COX7A2: variants seen among roughly 807,000 people sequenced by gnomAD.
The protein encoded by COX7A2 is cytochrome c oxidase subunit 7A2.
In COX7A2, 11 loss-of-function variants were observed where a neutral mutation model predicts 11.6. The ratio of observed to expected loss-of-function variants is 0.95; its 90% CI spans 0.60 to 1.57. The LOEUF (loss-of-function observed/expected upper bound fraction) is 1.57, where lower values mean the gene tolerates loss of function less well. Among genes scored for constraint, COX7A2 ranks in the 40% most tolerant of loss-of-function variants. COX7A2 has a pLI of 0.00. For synonymous variants in COX7A2, 30 were observed against 38.2 expected, an observed-to-expected ratio of 0.78 and a Z score of 0.79; for missense variants, 106 against 100.9, an observed-to-expected ratio of 1.05 and a Z score of -0.22.
At chr6:75,241,323 T>G in intron 1 of COX7A2, 58 bp from the exon 2 acceptor site, 1 of 1,374,024 alleles carries the variant, frequency 7.3e-7, no homozygotes, top group Non-Finnish European at 9.8e-7. Flanking sequence ...CAAAACCAAC[T>G]ATTTTCAGTC....
chr6:75,242,882 A>T (rs917307317), intron 1 of COX7A2, among the ~76,000 whole-genome samples: 1 of 152,052 alleles, frequency 6.6e-6, no homozygotes, highest in Non-Finnish European at 1.5e-5. Context: ...AACAAAAAAA[A>T]CCCTATTACT....
chr6:75,241,341 T>G (rs760683912), intron 1 of COX7A2, 76 bp from the exon 2 acceptor site: 1 of 1,290,796 alleles, frequency 7.7e-7, no homozygotes, highest in South Asian at 2.1e-5. Flanking sequence ...GTCGTTCATA[T>G]TATAGAAAAG....
chr6:75,238,318 G>GA (rs879502350), intron 3 of COX7A2, among the ~76,000 whole-genome samples: 6 of 150,986 alleles, frequency 4.0e-5, no homozygotes, highest in South Asian at 2.1e-4. Flanking sequence ...AAATGCCAAA[G>GA]AAAAAAAGAG....
chr6:75,243,465 C>T (rs989072796), intron 1 of COX7A2, among the ~76,000 whole-genome samples: 1 of 152,094 alleles, frequency 6.6e-6, no homozygotes, highest in Admixed American at 6.5e-5. Context: ...ACTAAGAACC[C>T]AAGACGGGTC....
chr6:75,249,960 T>TGA (rs905672802), intron 1 of COX7A2: 9 of 152,216 alleles, frequency 5.9e-5, no homozygotes, highest in African/African-American at 2.2e-4. Context: ...AGGGGAGGGA[T>TGA]GAGAGACCCA....
intron 1 of COX7A2, 138 bp downstream of exon 1, chr6:75,243,579 G>A (rs971777176): frequency 4.0e-6 from 3 of 756,330 alleles, no homozygotes; most frequent in African/African-American, 3.5e-5. Flanking sequence ...GTAAGGTCAG[G>A]GAAAAAGGAC....
chr6:75,240,208 G>A, intron 3 of COX7A2, 93 bp downstream of exon 3: 1 of 885,874 alleles, frequency 1.1e-6, no homozygotes, highest in Admixed American at 2.2e-5. Flanking sequence ...CAAACTGCCT[G>A]CATTAAAATA....
chr6:75,237,922 G>A lies in COX7A2; in HGVS notation c.*8C>T, dbSNP rs752029766. On this transcript the variant is annotated 3_prime_UTR_variant, in exon 4 of 4. Transcript: ENST00000684430. ...AACTGAACCAAGCGATTGCTGGGAT[G>A]ACTGAAGTCACTCCTGCTTCTTGGG... The A allele has an allele frequency of 6.2e-7, 1 of 1,605,512 alleles. No individual in the cohort carries two copies. The highest frequency in any genetic ancestry group is 8.5e-7 in the Non-Finnish European group (1 of 1,173,804).
At chr6:75,243,975 G>A, upstream of COX7A2, 1 of 674,286 alleles carries the variant, frequency 1.5e-6, no homozygotes, top group Non-Finnish European at 2.5e-6. Context: ...TGACCTTTTC[G>A]ATGTTCAGTA....
At chr6:75,239,657 C>T (rs535010119) in intron 3 of COX7A2, among the ~76,000 whole-genome samples, 1 of 152,300 alleles carries the variant, frequency 6.6e-6, no homozygotes, top group South Asian at 2.1e-4. Context: ...TATTTTGCAT[C>T]ACAGTCAAAA....
chr6:75,246,666 G>C (rs141156182), upstream of COX7A2, among the ~76,000 whole-genome samples: 3 of 152,184 alleles, frequency 2.0e-5, no homozygotes, highest in Non-Finnish European at 4.4e-5. Context: ...TGAATGAACT[G>C]TATCCTGCAC....
At chr6:75,245,687 CCTT>C (rs1771666857), upstream of COX7A2, among the ~76,000 whole-genome samples, 1 of 152,128 alleles carries the variant, frequency 6.6e-6, no homozygotes, top group Non-Finnish European at 1.5e-5. Flanking sequence ...ACTTGTCTCT[CCTT>C]CTCCTCCTCC....
At chr6:75,246,283 T>C (rs777515775), upstream of COX7A2, among the ~76,000 whole-genome samples, 24 of 152,296 alleles carry the variant, frequency 1.6e-4, no homozygotes, top group Non-Finnish European at 2.9e-4. Flanking sequence ...TCCCCAACTT[T>C]CTCCTCTGCA....
chr6:75,238,788 T>C (rs1362219487), intron 3 of COX7A2, among the ~76,000 whole-genome samples: 2 of 151,768 alleles, frequency 1.3e-5, no homozygotes, highest in African/African-American at 2.4e-5. Flanking sequence ...AAATGTCACA[T>C]TGGCCAAAAG....
chr6:75,241,046 G>C lies in COX7A2; in HGVS notation c.108+130C>G, dbSNP rs73450112. ...AACCACTATTAGCACTATGGTACAT[G>C]TCCTTGACTTTTTTTGTAATGTTTA... is the stretch of plus-strand genomic sequence containing the variant. On this transcript the variant is annotated intron_variant, in intron 2 of 3. Transcript: ENST00000684430. The C allele has an allele frequency of 5.9e-4, 723 of 1,230,176 alleles. 3 individuals carry two copies. In the African/African-American group the frequency reaches 9.4e-3, roughly 16 times the overall value. The allele number at this position is 1,230,176 out of a possible 1,614,324, so 76.2% of individuals were successfully genotyped here. A position where few individuals can be genotyped will look rare whatever the true frequency, so the allele number is the denominator to read the frequency against.
chr6:75,250,088 T>A (rs1045814369), exon 1 of COX7A2: 1 of 152,202 alleles, frequency 6.6e-6, no homozygotes, highest in Non-Finnish European at 1.5e-5. Flanking sequence ...TTCACAGTAA[T>A]GAGGAATGTA....
chr6:75,240,164 T>C, intron 3 of COX7A2, 137 bp downstream of exon 3: 2 of 676,160 alleles, frequency 3.0e-6, no homozygotes, highest in Non-Finnish European at 2.6e-6. Flanking sequence ...TCTTGAATCA[T>C]TATGAGATAT....
chr6:75,240,194 G>C, intron 3 of COX7A2, 107 bp downstream of exon 3: 1 of 780,788 alleles, frequency 1.3e-6, no homozygotes, highest in East Asian at 2.6e-5. Context: ...TCAAATTCTG[G>C]AGACAAACTG....
chr6:75,244,053 A>C, upstream of COX7A2: 1 of 442,422 alleles, frequency 2.3e-6, no homozygotes, highest in South Asian at 2.4e-5. Flanking sequence ...ATAAGCTTAG[A>C]TGAAGTCAAT....
Sources: gnomAD v4.1 joint callset for allele counts (sites outside exome capture counted in the v4.1 genomes callset) on GRCh38, gnomAD v4.1.1 for gene constraint, MANE v1.5 for transcripts, NCBI Gene and HGNC (gene_info 2026-07-23, HGNC 2026-07-21) for gene names.